Variants in SLC25A12 observed in about 807,000 individuals in gnomAD.
SLC25A12 encodes the protein electrogenic aspartate/glutamate antiporter SLC25A12, mitochondrial.
A neutral mutation model predicts 83.3 loss-of-function variants in SLC25A12; 32 were observed. The ratio of observed to expected loss-of-function variants is 0.38; its 90% CI spans 0.29 to 0.52. The LOEUF is 0.52. Ranked by LOEUF, SLC25A12 falls within the 20% of genes least tolerant of loss-of-function variation. The pLI is 0.84. For synonymous variants in SLC25A12, 267 were observed against 291.1 expected, an observed-to-expected ratio of 0.92 and a Z score of 0.84; for missense variants, 611 against 835.6, an observed-to-expected ratio of 0.73 and a Z score of 3.31.
chr2:171,888,472 C>A (rs1055153463), intron 2 of SLC25A12, among the ~76,000 whole-genome samples: 8 of 151,854 alleles, frequency 5.3e-5, no homozygotes, highest in African/African-American at 1.7e-4. Flanking sequence ...CAGTGAGTCT[C>A]GCTCTGTCGC....
intron 2 of SLC25A12, among the ~76,000 whole-genome samples, chr2:171,876,542 T>TGGGG (rs1558941901): frequency 3.2e-4 from 8 of 24,936 alleles, no homozygotes; most frequent in Non-Finnish European, 9.9e-4. Context: ...TTTTTTTTTT[T>TGGGG]TGGGGGGGGG....
intron 2 of SLC25A12, among the ~76,000 whole-genome samples, chr2:171,884,737 T>C (rs1685776428): frequency 6.6e-6 from 1 of 150,962 alleles, no homozygotes; most frequent in Non-Finnish European, 1.5e-5. Flanking sequence ...ACTGCGCCAT[T>C]GCACTCCAGC....
chr2:171,811,028 A>G (rs1194150993), intron 11 of SLC25A12, among the ~76,000 whole-genome samples: 1 of 152,236 alleles, frequency 6.6e-6, no homozygotes, highest in African/African-American at 2.4e-5. Context: ...AAAATAAACA[A>G]TTCAACATCT....
chr2:171,867,863 G>C (rs1009628285), intron 3 of SLC25A12, among the ~76,000 whole-genome samples: 1 of 152,120 alleles, frequency 6.6e-6, no homozygotes, highest in Non-Finnish European at 1.5e-5. Context: ...ACATTTTTCT[G>C]AGATGGAGCC....
At chr2:171,799,729 C>G (rs944798788) in intron 13 of SLC25A12, among the ~76,000 whole-genome samples, 4 of 152,192 alleles carry the variant, frequency 2.6e-5, no homozygotes, top group African/African-American at 9.7e-5. Context: ...TCTGCCTCAC[C>G]GAGGTCTTGT....
intron 17 of SLC25A12, among the ~76,000 whole-genome samples, chr2:171,787,164 A>G (rs1690504081): frequency 6.6e-6 from 1 of 152,184 alleles, no homozygotes; most frequent in Admixed American, 6.5e-5. Context: ...TCTCTATAAA[A>G]AAGTACAAAA....
intron 7 of SLC25A12, 47 bp from the exon 8 acceptor site, chr2:171,834,103 T>A: frequency 9.4e-7 from 1 of 1,060,658 alleles, no homozygotes; most frequent in Non-Finnish European, 1.5e-6. Flanking sequence ...ATTCTTAATA[T>A]ATAACAAAGT....
intron 8 of SLC25A12, among the ~76,000 whole-genome samples, chr2:171,827,102 T>C (rs1263657861): frequency 6.6e-6 from 1 of 152,194 alleles, no homozygotes; most frequent in Non-Finnish European, 1.5e-5. Context: ...TGCATGAATT[T>C]GGTAAGACTC....
intron 4 of SLC25A12, 22 bp from the exon 5 acceptor site, chr2:171,844,530 A>G: frequency 2.0e-6 from 3 of 1,476,930 alleles, no homozygotes; most frequent in Non-Finnish European, 2.8e-6. Flanking sequence ...AAACAAAAAT[A>G]AATCAATTAT....
chr2:171,816,431 A>C (rs906162102), intron 9 of SLC25A12, among the ~76,000 whole-genome samples: 30 of 152,116 alleles, frequency 2.0e-4, no homozygotes, highest in South Asian at 2.1e-4. Flanking sequence ...CTTATCTAAA[A>C]TAGTGTAGTA....
intron 9 of SLC25A12, among the ~76,000 whole-genome samples, chr2:171,817,032 T>G (rs1465450081): frequency 6.6e-6 from 1 of 152,064 alleles, no homozygotes; most frequent in African/African-American, 2.4e-5. Flanking sequence ...AAAGACGACC[T>G]CCCTCTATCT....
At chr2:171,794,477 G>A (rs1258227827) in intron 13 of SLC25A12, among the ~76,000 whole-genome samples, 1 of 151,982 alleles carries the variant, frequency 6.6e-6, no homozygotes, top group African/African-American at 2.4e-5. Context: ...TAGTTACCAT[G>A]AGTACAACAC....
In SLC25A12 at chr2:171,785,487, A is replaced by G. The variant is rs1690471321; in HGVS notation, c.1836-12T>C. ...AACCAGCGGGTTTGCTGTTGACAGA[A>G]AAAAAGCCAATGGTTAGCATGCTCA... On this transcript the variant is annotated splice_polypyrimidine_tract_variant and intron_variant, in intron 17 of 17. Coordinates refer to ENST00000422440, the MANE Select transcript of SLC25A12 (RefSeq NM_003705.5). The G allele has an allele frequency of 1.9e-6, 3 of 1,613,592 alleles. No individual in the cohort carries two copies. Among genetic ancestry groups the G allele is most frequent in the Non-Finnish European group, 2.5e-6 (3 of 1,179,880 alleles).
intron 4 of SLC25A12, among the ~76,000 whole-genome samples, chr2:171,847,491 C>T (rs948822864): frequency 6.6e-6 from 1 of 152,174 alleles, no homozygotes; most frequent in Non-Finnish European, 1.5e-5. Context: ...CACCAATAGT[C>T]TCAAATATAC....
intron 4 of SLC25A12, among the ~76,000 whole-genome samples, chr2:171,852,470 A>T (rs1383474760): frequency 6.6e-6 from 1 of 152,242 alleles, no homozygotes; most frequent in Non-Finnish European, 1.5e-5. Context: ...CATTGCAGCT[A>T]ATATTGTCTT....
At chr2:171,850,876 C>A (rs1348480921) in intron 4 of SLC25A12, among the ~76,000 whole-genome samples, 2 of 152,198 alleles carry the variant, frequency 1.3e-5, no homozygotes, top group African/African-American at 4.8e-5. Context: ...AGTGGTTGTG[C>A]CTAACCCATC....
chr2:171,893,062 A>G (rs1685978801), intron 2 of SLC25A12, 143 bp downstream of exon 2: 2 of 616,120 alleles, frequency 3.2e-6, no homozygotes, highest in Non-Finnish European at 5.7e-6. Flanking sequence ...CCTTATTAAG[A>G]GAAGTATAAG....
intron 4 of SLC25A12, among the ~76,000 whole-genome samples, chr2:171,849,558 C>CTTTTT (rs72304626): frequency 2.6e-5 from 3 of 114,586 alleles, no homozygotes; most frequent in African/African-American, 7.0e-5. Flanking sequence ...GTGGTGTGAT[C>CTTTTT]TTTTTTTTTT....
chr2:171,807,888 A>C (rs1683868936), intron 13 of SLC25A12, among the ~76,000 whole-genome samples: 1 of 152,128 alleles, frequency 6.6e-6, no homozygotes, highest in Non-Finnish European at 1.5e-5. Flanking sequence ...TTCCAAAGCA[A>C]CTCTGCAGAG....
Sources: gnomAD v4.1 joint callset for allele counts (sites outside exome capture counted in the v4.1 genomes callset) on GRCh38, gnomAD v4.1.1 for gene constraint, MANE v1.5 for transcripts, NCBI Gene and HGNC (gene_info 2026-07-23, HGNC 2026-07-21) for gene names.